The following NAALADL2 variants were observed in gnomAD, a reference collection of about 807,000 sequenced individuals.
NAALADL2 encodes inactive N-acetylated-alpha-linked acidic dipeptidase-like protein 2.
A neutral mutation model predicts 87.2 loss-of-function variants in NAALADL2; 76 were observed. The observed-to-expected ratio is 0.87, with a 90% CI of 0.72 to 1.05. NAALADL2 has a LOEUF of 1.05. Among genes scored for constraint, NAALADL2 ranks in the 50% least tolerant of loss-of-function variants. NAALADL2 has a pLI of 0.00. For missense variants in NAALADL2, 1,089 were observed against 945.8 expected (o/e 1.15, Z -1.99); for synonymous variants, 354 against 331.0 (o/e 1.07, Z -0.75).
chr3:175,543,160 T>C (rs572132349), intron 9 of NAALADL2, among the ~76,000 whole-genome samples: 5 of 152,320 alleles, frequency 3.3e-5, no homozygotes, highest in Admixed American at 3.3e-4. Context: ...TTTTTTCCAC[T>C]GCCCTTCCAT....
At chr3:174,684,821 A>G (rs924686392) in intron 2 of NAALADL2, among the ~76,000 whole-genome samples, 1 of 152,114 alleles carries the variant, frequency 6.6e-6, no homozygotes, top group African/African-American at 2.4e-5. Flanking sequence ...GCCTGATGCA[A>G]ACCAACGAGC....
intron 5 of NAALADL2, among the ~76,000 whole-genome samples, chr3:175,337,401 T>G (rs1434996978): frequency 6.6e-6 from 1 of 152,128 alleles, no homozygotes; most frequent in Non-Finnish European, 1.5e-5. Context: ...AGAATAGGAT[T>G]GTATTTGGAG....
intron 2 of NAALADL2, among the ~76,000 whole-genome samples, chr3:174,589,491 G>A (rs951156381): frequency 7.2e-5 from 11 of 152,056 alleles, no homozygotes; most frequent in African/African-American, 2.2e-4. Context: ...GTTCCTATTC[G>A]GCCATCTTAG....
At chr3:175,183,765 G>T (rs1464016623) in intron 2 of NAALADL2, among the ~76,000 whole-genome samples, 1 of 152,074 alleles carries the variant, frequency 6.6e-6, no homozygotes, top group East Asian at 1.9e-4. Flanking sequence ...CATCTATGTT[G>T]ATCAATCATA....
chr3:175,543,299 G>C (rs1173221730), intron 9 of NAALADL2, among the ~76,000 whole-genome samples: 1 of 152,026 alleles, frequency 6.6e-6, no homozygotes, highest in Non-Finnish European at 1.5e-5. Context: ...AAAATTAAGT[G>C]TTTTAGACCT....
intron 10 of NAALADL2, among the ~76,000 whole-genome samples, chr3:175,577,889 G>A (rs9844050): frequency 0.045 from 6,850 of 151,856 alleles, 350 homozygotes; most frequent in African/African-American, 0.13. Context: ...CTATTAAGAG[G>A]AATTTTAAAT....
chr3:174,820,345 C>T (rs1721282487), intron 3 of NAALADL2, among the ~76,000 whole-genome samples: 1 of 152,102 alleles, frequency 6.6e-6, no homozygotes, highest in Non-Finnish European at 1.5e-5. Context: ...GTTTTCTATT[C>T]TCAGGAATAT....
chr3:175,165,202 A>G (rs1050671613), intron 2 of NAALADL2, among the ~76,000 whole-genome samples: 1 of 152,140 alleles, frequency 6.6e-6, no homozygotes, highest in African/African-American at 2.4e-5. Context: ...TAGTACTTCA[A>G]AGAATTACCA....
intron 13 of NAALADL2, among the ~76,000 whole-genome samples, chr3:175,785,279 G>C (rs1224402899): frequency 3.3e-5 from 5 of 150,410 alleles, no homozygotes; most frequent in Admixed American, 6.6e-5. Flanking sequence ...CTGTCTTGTT[G>C]ATCTGTCTAA....
intron 2 of NAALADL2, among the ~76,000 whole-genome samples, chr3:175,148,034 C>T (rs901623921): frequency 6.6e-6 from 1 of 150,426 alleles, no homozygotes; most frequent in African/African-American, 2.4e-5. Flanking sequence ...TGGGCCATTG[C>T]ACTCCAGCCT....
rs572317842 is a variant in NAALADL2 at position 174,607,301 on chromosome 3, A to G, written c.-115+56664A>G. ...AGCTAACATCATAATGACAGGATCA[A>G]ATTCACACATAACAATATTAACTTT... is the stretch of plus-strand genomic sequence containing the variant. On this transcript the variant is annotated intron_variant, in intron 2 of 3. Transcript: ENST00000434257. Among the ~76,000 whole-genome samples the G allele has an allele frequency of 2.0e-5, 3 of 152,164 alleles. No individual in the cohort carries two copies. In the South Asian group the frequency reaches 6.3e-4, roughly 32 times the overall value.
chr3:175,042,294 T>G (rs1754166146), intron 1 of NAALADL2, among the ~76,000 whole-genome samples: 2 of 152,172 alleles, frequency 1.3e-5, no homozygotes, highest in African/African-American at 4.8e-5. Context: ...ATATAGCCTG[T>G]TTTTCTTTGG....
At chr3:174,833,056 C>G (rs750830280) in intron 3 of NAALADL2, among the ~76,000 whole-genome samples, 1 of 152,102 alleles carries the variant, frequency 6.6e-6, no homozygotes, top group Non-Finnish European at 1.5e-5. Flanking sequence ...CACTTTCTTC[C>G]ATTCTCAGAA....
chr3:175,098,237 T>A (rs879413649), intron 2 of NAALADL2, among the ~76,000 whole-genome samples: 5 of 152,138 alleles, frequency 3.3e-5, no homozygotes, highest in Admixed American at 3.3e-4. Flanking sequence ...CTTTTCATGA[T>A]ACTTCCCAAT....
chr3:174,658,866 T>A (rs1284065601), intron 2 of NAALADL2, among the ~76,000 whole-genome samples: 1 of 152,184 alleles, frequency 6.6e-6, no homozygotes, highest in Non-Finnish European at 1.5e-5. Flanking sequence ...AAATATACTG[T>A]TAAGAATAAC....
At chr3:175,111,013 G>A (rs1724100640) in intron 2 of NAALADL2, among the ~76,000 whole-genome samples, 1 of 151,548 alleles carries the variant, frequency 6.6e-6, no homozygotes, top group Non-Finnish European at 1.5e-5. Context: ...GTCTAGTTTA[G>A]AAAATTCTTA....
intron 3 of NAALADL2, among the ~76,000 whole-genome samples, chr3:174,836,976 C>T (rs749957369): frequency 3.3e-5 from 5 of 151,822 alleles, no homozygotes; most frequent in Non-Finnish European, 1.5e-5. Flanking sequence ...TATGCCACAA[C>T]CTATCTCTGG....
At chr3:175,379,594 T>C (rs1767552543) in intron 5 of NAALADL2, among the ~76,000 whole-genome samples, 1 of 151,526 alleles carries the variant, frequency 6.6e-6, no homozygotes, top group Non-Finnish European at 1.5e-5. Context: ...AGTGCAGTGG[T>C]ACAGTCTTGG....
intron 2 of NAALADL2, among the ~76,000 whole-genome samples, chr3:174,553,679 G>T (rs566356586): frequency 5.3e-4 from 80 of 152,194 alleles, no homozygotes; most frequent in Admixed American, 1.2e-3. Flanking sequence ...ACACTTAGCT[G>T]CATGGTACTT....
Sources: allele counts gnomAD v4.1 joint callset (sites outside exome capture counted in the v4.1 genomes callset), GRCh38; gene constraint gnomAD v4.1.1; transcripts MANE v1.5; gene names NCBI Gene and HGNC (gene_info 2026-07-23, HGNC 2026-07-21).